The following HSPG2 variants were observed in gnomAD, a reference collection of about 807,000 sequenced individuals.
HSPG2 encodes basement membrane-specific heparan sulfate proteoglycan core protein.
Under a neutral mutation model 526.6 loss-of-function variants are expected in HSPG2, and 278 were observed. The observed-to-expected ratio is 0.53, with a 90% CI of 0.48 to 0.58. HSPG2 has a LOEUF of 0.58. Among genes scored for constraint, HSPG2 ranks in the 20% least tolerant of loss-of-function variants. HSPG2 has a pLI of 0.00. For synonymous variants in HSPG2, 2,465 were observed against 2,555.4 expected, an observed-to-expected ratio of 0.96 and a Z score of 1.07; for missense variants, 5,354 against 6,099.5, an observed-to-expected ratio of 0.88 and a Z score of 4.07.
chr1:21,831,483 C>T lies in HSPG2; in HGVS notation c.11432G>A (p.Gly3811Glu). The T allele has an allele frequency of 6.2e-7, 1 of 1,614,064 alleles. No individual in the cohort carries two copies. The highest frequency in any genetic ancestry group is 8.5e-7 in the Non-Finnish European group (1 of 1,179,968). The change falls in exon 83 of 97, where the codon GGG (glycine) becomes GAG (glutamate). Residue 3811 changes from glycine (G) to glutamate (E), a missense_variant. Transcript: ENST00000374695. ...CTCACCTATGAAGCCGCTGCTCAGC[C>T]CCGCCTTGGGGATGGCACCATAGTC... ...YPDYGAIPKA[G>E]LSSGFIGCVR...
chr1:21,844,163 G>A lies in HSPG2; in HGVS notation c.8601C>T (p.Leu2867=), dbSNP rs1638234146. ...GCTCCTTTACCTGGTGCCGGGCAGG[G>A]AGGTTTCCTCCACGCTTGTGCCACG... ...QVTWHKRGGN[L]PARHQVHGPL... is the part of the protein sequence containing the mutation. Residue 2867 remains leucine (L), a synonymous_variant, in exon 65 of 97, where the codon CTC becomes CTT. Coordinates refer to ENST00000374695, the MANE Select transcript of HSPG2 (RefSeq NM_005529.7). 2 of 1,613,238 alleles carry A rather than the reference G, an allele frequency of 1.2e-6. No individual in the cohort carries two copies. The highest frequency in any genetic ancestry group is 1.1e-5 in the South Asian group (1 of 91,062).
In HSPG2 at chr1:21,824,475, C is replaced by T. The variant is rs897318927; in HGVS notation, c.12744+62G>A. ...TTTCCCCTCCCCCCACCACTCCGGC[C>T]ACCAGGAAGCCAGCTTCCTGCCCCA... On this transcript the variant is annotated intron_variant, in intron 93 of 96. Coordinates refer to ENST00000374695, the MANE Select transcript of HSPG2 (RefSeq NM_005529.7). The surrounding 1 kb of genome is among the most constrained non-coding windows in gnomAD (Gnocchi z 5.9). 8.7e-6 allele frequency: 14 copies of T among 1,605,012 alleles called. No homozygotes were observed. The highest frequency in any genetic ancestry group is 1.0e-5 in the Non-Finnish European group (12 of 1,174,170).
intron 51 of HSPG2, 34 bp from the exon 52 acceptor site, chr1:21,852,866 G>A: frequency 1.2e-6 from 2 of 1,611,532 alleles, no homozygotes; most frequent in East Asian, 2.2e-5. Context: ...GGAGGGGGCT[G>A]GAACAGTCCC....
Position 21,848,331 on chromosome 1 carries a change from G to A in HSPG2, c.7738-238C>T, listed in dbSNP as rs139187221. 2.6e-5 allele frequency among the ~76,000 whole-genome samples: 4 copies of A among 152,156 alleles called. No individual in the cohort carries two copies. Among genetic ancestry groups the A allele is most frequent in the African/African-American group, 9.7e-5 (4 of 41,436 alleles). ...CTCCGGAGTGTTGACACAGTATCCT[G>A]CTGGGGCTCCCACAGCCTGCGAGCT... On this transcript the variant is annotated intron_variant, in intron 59 of 96. Coordinates refer to ENST00000374695, the MANE Select transcript of HSPG2 (RefSeq NM_005529.7). The surrounding 1 kb of genome is among the most constrained non-coding windows in gnomAD (Gnocchi z 4.9).
At position 21,859,818 on chromosome 1, in the gene HSPG2, C is replaced by G; in HGVS notation, c.5182+17G>C. The G allele has an allele frequency of 6.2e-7, 1 of 1,610,220 alleles. No individual in the cohort carries two copies. Among genetic ancestry groups the G allele is most frequent in the Non-Finnish European group, 8.5e-7 (1 of 1,179,220 alleles). On this transcript the variant is annotated intron_variant, in intron 41 of 96. Transcript: ENST00000374695. This position sits in a 1 kb window ranked among gnomAD's most constrained non-coding sequence, Gnocchi z 5.3. ...TGGGATGGCTCTTGGGGCTGAGGAG[C>G]CTAGGGCCATGGGTACCTTGATGTC...
chr1:21,902,823 A>G (rs552027221), intron 1 of HSPG2, among the ~76,000 whole-genome samples: 1 of 152,306 alleles, frequency 6.6e-6, no homozygotes, highest in African/African-American at 2.4e-5. Context: ...CCCCGCACTC[A>G]CCACGTTGCC....
Position 21,847,748 on chromosome 1 carries a change from G to T in HSPG2, c.7966C>A (p.Gln2656Lys). The T allele has an allele frequency of 6.2e-7, 1 of 1,612,922 alleles. No homozygotes were observed. Among genetic ancestry groups the T allele is most frequent in the Non-Finnish European group, 8.5e-7 (1 of 1,179,654 alleles). ...TLDLNCVVAR[Q>K]PQAIITWYKR... ...TACCATGTGATGATAGCCTGGGGCT[G>T]CCTGGCGACCACGCAGTTCAGATCC... The change falls in exon 61 of 97, where the codon CAG becomes AAG. Residue 2656 changes from glutamine (Q) to lysine (K), a missense_variant. Transcript: ENST00000374695. The surrounding 1 kb of genome is among the most constrained non-coding windows in gnomAD (Gnocchi z 4.1).
At chr1:21,934,871 T>C (rs545887785) in intron 1 of HSPG2, among the ~76,000 whole-genome samples, 1 of 149,688 alleles carries the variant, frequency 6.7e-6, no homozygotes, top group African/African-American at 2.5e-5. Flanking sequence ...CTGGGATTAC[T>C]GGCGTGTGCC....
intron 66 of HSPG2, among the ~76,000 whole-genome samples, 172 bp downstream of exon 66, chr1:21,843,125 G>A (rs1572195286): frequency 6.6e-6 from 1 of 152,182 alleles, no homozygotes; most frequent in East Asian, 1.9e-4. Flanking sequence ...CTGGTTGAGG[G>A]GACGGGACCA....
intron 1 of HSPG2, among the ~76,000 whole-genome samples, chr1:21,912,595 G>C (rs1190961101): frequency 3.9e-5 from 6 of 152,124 alleles, no homozygotes; most frequent in Admixed American, 2.6e-4. Flanking sequence ...GGAGGGCCTG[G>C]GTTCAATCCC....
chr1:21,825,038 T>C (rs2097966219), intron 91 of HSPG2: 1 of 526,176 alleles, frequency 1.9e-6, no homozygotes, highest in African/African-American at 1.9e-5. Flanking sequence ...GAAACCAAAG[T>C]AGCAGTGGTA....
chr1:21,867,140 G>A (rs1219135795), intron 33 of HSPG2, among the ~76,000 whole-genome samples: 1 of 89,518 alleles, frequency 1.1e-5, no homozygotes, highest in Non-Finnish European at 2.0e-5. Flanking sequence ...TTTTTAAATA[G>A]AGATGGGGTC....
chr1:21,921,034 A>C lies in HSPG2; in HGVS notation c.63+16121T>G, dbSNP rs78252406. 6.5e-3 allele frequency among the ~76,000 whole-genome samples: 992 copies of C among 152,328 alleles called. 7 individuals are homozygous for C. The highest frequency in any genetic ancestry group is 0.022 in the Admixed American group (340 of 15,296). Reference sequence around the variant, plus strand: ...GATTCAATTTCCCTTTCTCCTAATAACAAAAACTATAACAGTAATATAACA... The same window carrying C: ...GATTCAATTTCCCTTTCTCCTAATACCAAAAACTATAACAGTAATATAACA... On this transcript the variant is annotated intron_variant, in intron 1 of 96. Coordinates refer to ENST00000374695, the MANE Select transcript of HSPG2 (RefSeq NM_005529.7).
chr1:21,884,648 G>A lies in HSPG2; in HGVS notation c.1534C>T (p.Leu512=), dbSNP rs758125762. The A allele has an allele frequency of 9.9e-6, 16 of 1,612,062 alleles. No individual in the cohort carries two copies. Among genetic ancestry groups the A allele is most frequent in the East Asian group, 8.9e-5 (4 of 44,870 alleles). ...RGPCPDGHFY[L]EHSAACLPCF... The stretch of plus-strand genomic sequence containing the variant: ...GGCAGGCAGGCGGCGCTGTGCTCCA[G>A]GTAGAAGTGGCCGTCAGGGCAGGGG... Residue 512 remains leucine, a synonymous_variant, in exon 13 of 97, where the codon CTG becomes TTG. Coordinates refer to ENST00000374695, the MANE Select transcript of HSPG2 (RefSeq NM_005529.7).
chr1:21,872,334 A>G lies in HSPG2; in HGVS notation c.4073T>C (p.Leu1358Pro). Residue 1358 changes from leucine (L) to proline (P), a missense_variant, in exon 33 of 97, where the codon CTG becomes CCG. Leu to Pro is a moderately conservative substitution (Grantham distance 98, BLOSUM62 -3). Coordinates refer to ENST00000374695, the MANE Select transcript of HSPG2 (RefSeq NM_005529.7). The surrounding 1 kb of genome is among the most constrained non-coding windows in gnomAD (Gnocchi z 5.5). Reference protein sequence around the residue: ...FAPGDFQGFALVNPQRNSRLT... With the variant: ...FAPGDFQGFAPVNPQRNSRLT... ...GCGGCTGTTTCGCTGTGGGTTCACC[A>G]GGGCAAAGCCTTGGAAGTCCCCAGG... 1 of 1,582,082 alleles carries G rather than the reference A, an allele frequency of 6.3e-7. No homozygotes were observed. The highest frequency in any genetic ancestry group is 8.6e-7 in the Non-Finnish European group (1 of 1,163,690).
chr1:21,875,973 G>A lies in HSPG2; in HGVS notation c.3073C>T (p.His1025Tyr). 6.2e-7 allele frequency: 1 copy of A among 1,614,226 alleles called. No homozygotes were observed. The highest frequency in any genetic ancestry group is 1.1e-5 in the South Asian group (1 of 91,082). ...TGCAGCACCACCAACGGCTGCCCGT[G>A]CAGGGGTGTGGAGCCCGGCTGGGAC... is the stretch of plus-strand genomic sequence containing the variant. The part of the protein sequence containing the change: ...QRSQPGSTPL[H>Y]GQPLVVLQGN... The change falls in exon 24 of 97, where the codon CAC becomes TAC. Residue 1025 changes from histidine (H) to tyrosine (Y), a missense_variant. Coordinates refer to ENST00000374695, the MANE Select transcript of HSPG2 (RefSeq NM_005529.7).
intron 1 of HSPG2, among the ~76,000 whole-genome samples, chr1:21,901,734 C>T (rs1260690110): frequency 2.0e-5 from 3 of 152,062 alleles, no homozygotes; most frequent in Non-Finnish European, 4.4e-5. Flanking sequence ...AGGCTCCAGG[C>T]ATGTGGGGAT....
intron 37 of HSPG2, among the ~76,000 whole-genome samples, chr1:21,863,060 C>CAAAAAA (rs60890297): frequency 3.2e-5 from 1 of 31,232 alleles, no homozygotes; most frequent in African/African-American, 1.5e-4. Flanking sequence ...GACTCCATCT[C>CAAAAAA]AAAAAAAAAA....
chr1:21,823,552 G>A, intron 96 of HSPG2, 64 bp from the exon 97 acceptor site: 1 of 1,609,820 alleles, frequency 6.2e-7, no homozygotes, highest in Non-Finnish European at 8.5e-7. Context: ...GGAAGGCTGG[G>A]CGAGCTCTAG....
Sources: gnomAD v4.1 joint callset for allele counts (sites outside exome capture counted in the v4.1 genomes callset) on GRCh38, gnomAD v4.1.1 for gene constraint, Gnocchi (gnomAD v3.1) non-coding constraint, MANE v1.5 for transcripts, NCBI Gene and HGNC (gene_info 2026-07-23, HGNC 2026-07-21) for gene names.